The following ANKRD6 variants were observed in gnomAD, a reference collection of about 807,000 sequenced individuals.
ANKRD6 encodes ankyrin repeat domain-containing protein 6.
ANKRD6 carries 56 observed loss-of-function variants against 82.3 expected under a neutral mutation model. The observed-to-expected ratio is 0.68, with a 90% CI of 0.55 to 0.85. ANKRD6 has a LOEUF of 0.85. ANKRD6 is among the 40% of genes least tolerant of loss of function. The probability of loss-of-function intolerance (pLI) is 0.00; values close to 1 mark genes in which losing one functional copy is unlikely to be tolerated. For missense variants in ANKRD6, 852 were observed against 907.6 expected (o/e 0.94, Z 0.79); for synonymous variants, 347 against 352.1 (o/e 0.99, Z 0.16).
At chr6:89,536,335 A>G (rs752383407) in intron 1 of ANKRD6, among the ~76,000 whole-genome samples, 2 of 152,242 alleles carry the variant, frequency 1.3e-5, no homozygotes, top group African/African-American at 2.4e-5. Flanking sequence ...TCTGGGTTTC[A>G]TCTGGTTTCC....
chr6:89,578,392 T>C (rs896471240), intron 2 of ANKRD6, among the ~76,000 whole-genome samples: 38 of 141,034 alleles, frequency 2.7e-4, no homozygotes, highest in African/African-American at 7.7e-4. Context: ...ACCTCCCGGG[T>C]TGAAGCGATT....
At chr6:89,624,221 C>T (rs1804751582) in intron 12 of ANKRD6, among the ~76,000 whole-genome samples, 164 bp downstream of exon 12, 2 of 152,236 alleles carry the variant, frequency 1.3e-5, no homozygotes, top group South Asian at 4.1e-4. Flanking sequence ...TGCAGATCCA[C>T]TCCTGCTGCT....
At chr6:89,623,022 TG>T (rs1171985900) in intron 10 of ANKRD6, among the ~76,000 whole-genome samples, 3,332 of 51,264 alleles carry the variant, frequency 0.065, 67 homozygotes, top group Non-Finnish European at 0.096. Context: ...GAGTGGGGGG[TG>T]GGGGGGGCGG....
chr6:89,581,677 G>A (rs750257605), intron 2 of ANKRD6: 5 of 152,186 alleles, frequency 3.3e-5, no homozygotes, highest in African/African-American at 4.8e-5. Context: ...TGACTGATGG[G>A]AGGGGAATAG....
intron 14 of ANKRD6, chr6:89,628,789 CAAAA>C (rs1156883089): frequency 1.8e-4 from 41 of 232,502 alleles, no homozygotes; most frequent in East Asian, 1.7e-3. Flanking sequence ...AACAAACAAA[CAAAA>C]AAAAAAACTA....
At chr6:89,462,096 G>T (rs1363499367) in intron 1 of ANKRD6, among the ~76,000 whole-genome samples, 6 of 151,882 alleles carry the variant, frequency 4.0e-5, no homozygotes, top group African/African-American at 1.5e-4. Context: ...GCCAGACATA[G>T]TGGTGCATGC....
chr6:89,542,807 C>G (rs1784593557), intron 1 of ANKRD6, among the ~76,000 whole-genome samples: 1 of 152,224 alleles, frequency 6.6e-6, no homozygotes, highest in Non-Finnish European at 1.5e-5. Flanking sequence ...TAAATCACTT[C>G]ACTCCACAAT....
At position 89,488,866 on chromosome 6, in the gene ANKRD6, ATCTATTCTATTCTATTCTAT is replaced by A. The variant is rs57575981; in HGVS notation, c.-144+55531_-144+55550del. ...AATGTTTCCCACCCAAAATATATCG[ATCTATTCTATTCTATTCTAT>A]TCTATTCTATTCTATTCTATTCTAT... is the stretch of plus-strand genomic sequence containing the variant. On this transcript the variant is annotated intron_variant, in intron 1 of 15. Coordinates refer to ENST00000339746, the MANE Select transcript of ANKRD6 (RefSeq NM_001242809.2). Among the ~76,000 whole-genome samples the A allele has an allele frequency of 2.3e-3, 336 of 143,212 alleles. 2 individuals carry two copies. Among genetic ancestry groups the A allele is most frequent in the African/African-American group, 7.5e-3 (290 of 38,576 alleles). The allele number at this position is 143,212 out of a possible 152,430, so 94.0% of individuals were successfully genotyped here.
rs1324744671 is a variant in ANKRD6 at position 89,433,966 on chromosome 6, C to T, written c.-144+591C>T. On this transcript the variant is annotated intron_variant, in intron 1 of 15. Coordinates refer to ENST00000339746, the MANE Select transcript of ANKRD6 (RefSeq NM_001242809.2). The surrounding 1 kb of genome is among the most constrained non-coding windows in gnomAD (Gnocchi z 4.3). ...TCAGCTCACCCAAGCTTATCTTGGG[C>T]TTTTAAGTGTGTTGCTTCCGGTAGA... 6.6e-6 allele frequency among the ~76,000 whole-genome samples: 1 copy of T among 152,214 alleles called. No homozygotes were observed. Among genetic ancestry groups the T allele is most frequent in the Non-Finnish European group, 1.5e-5 (1 of 68,028 alleles).
chr6:89,510,506 A>G (rs1780403075), intron 1 of ANKRD6, among the ~76,000 whole-genome samples: 1 of 151,980 alleles, frequency 6.6e-6, no homozygotes, highest in East Asian at 1.9e-4. Flanking sequence ...TTTGGTCCTT[A>G]TTATTTTTGC....
intron 1 of ANKRD6, among the ~76,000 whole-genome samples, chr6:89,513,663 T>G (rs1237793287): frequency 6.6e-6 from 1 of 152,232 alleles, no homozygotes; most frequent in Admixed American, 6.5e-5. Flanking sequence ...TATTTTAAAT[T>G]TCATTTTCAA....
chr6:89,576,125 C>G (rs750330501), intron 2 of ANKRD6, among the ~76,000 whole-genome samples: 6 of 151,906 alleles, frequency 3.9e-5, no homozygotes, highest in Non-Finnish European at 5.9e-5. Flanking sequence ...GATCTCAGCT[C>G]ACTGCAAGCT....
At chr6:89,570,247 G>A (rs1309331250) in intron 2 of ANKRD6, among the ~76,000 whole-genome samples, 2 of 151,922 alleles carry the variant, frequency 1.3e-5, no homozygotes, top group African/African-American at 4.8e-5. Context: ...TAATTGTTAA[G>A]ACAGGGTCTC....
intron 1 of ANKRD6, among the ~76,000 whole-genome samples, chr6:89,488,466 A>G (rs1240584627): frequency 6.6e-6 from 1 of 152,062 alleles, no homozygotes; most frequent in East Asian, 1.9e-4. Flanking sequence ...ATAAAAACAA[A>G]CCACATGACA....
At chr6:89,477,929 A>G (rs1025103457) in intron 1 of ANKRD6, among the ~76,000 whole-genome samples, 1 of 152,156 alleles carries the variant, frequency 6.6e-6, no homozygotes, top group Non-Finnish European at 1.5e-5. Context: ...TTTCTGTATA[A>G]TTATGAACTC....
chr6:89,566,651 T>G (rs1054732956), intron 1 of ANKRD6, among the ~76,000 whole-genome samples, 183 bp from the exon 2 acceptor site: 1 of 152,190 alleles, frequency 6.6e-6, no homozygotes, highest in African/African-American at 2.4e-5. Flanking sequence ...TCTGCTGCCT[T>G]CCACTTGGAA....
At chr6:89,479,582 TTC>T (rs1479982539) in intron 1 of ANKRD6, among the ~76,000 whole-genome samples, 1 of 150,018 alleles carries the variant, frequency 6.7e-6, no homozygotes, top group Non-Finnish European at 1.5e-5. Context: ...TTAGAATTAT[TTC>T]TTTTTTTATT....
chr6:89,553,720 G>A (rs906878322), intron 1 of ANKRD6, among the ~76,000 whole-genome samples: 6 of 152,110 alleles, frequency 3.9e-5, no homozygotes, highest in African/African-American at 1.4e-4. Context: ...CAGCCAGCGT[G>A]CCTCTCGTCT....
intron 1 of ANKRD6, among the ~76,000 whole-genome samples, chr6:89,538,163 A>G (rs1255826573): frequency 6.6e-6 from 1 of 152,162 alleles, no homozygotes; most frequent in East Asian, 1.9e-4. Context: ...ATTGGGATCC[A>G]AAGGTCATAG....
Sources: allele counts gnomAD v4.1 joint callset (sites outside exome capture counted in the v4.1 genomes callset), GRCh38; gene constraint gnomAD v4.1.1; non-coding constraint Gnocchi (gnomAD v3.1); transcripts MANE v1.5; gene names NCBI Gene and HGNC (gene_info 2026-07-23, HGNC 2026-07-21).